PLA2G4F: variants seen among roughly 807,000 people sequenced by gnomAD.
The protein encoded by PLA2G4F is cytosolic phospholipase A2 zeta.
In PLA2G4F, 105 loss-of-function variants were observed where a neutral mutation model predicts 103.1. The ratio of observed to expected loss-of-function variants is 1.02; its 90% CI spans 0.87 to 1.20. The LOEUF (loss-of-function observed/expected upper bound fraction) is 1.20, where lower values mean the gene tolerates loss of function less well. PLA2G4F is among the 50% of genes most tolerant of loss of function. The probability of loss-of-function intolerance (pLI) is 0.00; values close to 1 mark genes in which losing one functional copy is unlikely to be tolerated. For synonymous variants in PLA2G4F, 468 were observed against 441.1 expected, an observed-to-expected ratio of 1.06 and a Z score of -0.76; for missense variants, 1,155 against 1,075.9, an observed-to-expected ratio of 1.07 and a Z score of -1.03.
intron 11 of PLA2G4F, chr15:42,149,360 A>G (rs1321912936): frequency 3.3e-6 from 2 of 597,984 alleles, no homozygotes; most frequent in African/African-American, 2.1e-5. Flanking sequence ...ACATGAGGAC[A>G]TGGCGAGACA....
In PLA2G4F at chr15:42,142,546, G is replaced by A. The variant is rs376529914; in HGVS notation, c.2311C>T (p.Arg771Cys). The A allele has an allele frequency of 4.8e-5, 78 of 1,613,750 alleles. No homozygotes were observed. Among genetic ancestry groups the A allele is most frequent in the Admixed American group, 3.0e-4 (18 of 59,972 alleles). The change falls in exon 19 of 20, where the codon CGC (arginine) becomes TGC (cysteine). Residue 771 changes from arginine to cysteine, a missense_variant. Physicochemically the swap from Arg to Cys is radical, Grantham distance 180 (BLOSUM62 -3). This residue lies in a region of PLA2G4F where 782 missense variants were observed against 692.9 expected (regional missense o/e 1.13). Transcript: ENST00000397272. ...CCCTTACCTGGGGCCAGGTGTGTGCGGAAGGTACGGTTAACCAGGGGGAAG... is the reference window on the plus strand; with the variant it reads ...CCCTTACCTGGGGCCAGGTGTGTGCAGAAGGTACGGTTAACCAGGGGGAAG... Reference protein sequence around the residue: ...LHFPLVNRTFRTHLAPGVERQ... With the variant: ...LHFPLVNRTFCTHLAPGVERQ...
In PLA2G4F at chr15:42,147,361, T is replaced by C. The variant is rs773707571; in HGVS notation, c.1197-15A>G. On this transcript the variant is annotated splice_polypyrimidine_tract_variant and intron_variant, in intron 12 of 19. Transcript: ENST00000397272. ...TGGAGATGCACCTGGGGATTGGAGGTGTGCCTGAGTCAGGGGCAGGAGAGC... is the reference window on the plus strand; with the variant it reads ...TGGAGATGCACCTGGGGATTGGAGGCGTGCCTGAGTCAGGGGCAGGAGAGC... The C allele has an allele frequency of 2.0e-5, 32 of 1,598,590 alleles. No homozygotes were observed. The highest frequency in any genetic ancestry group is 2.6e-5 in the Non-Finnish European group (31 of 1,176,608).
At chr15:42,144,778 C>T in intron 16 of PLA2G4F, 134 bp from the exon 17 acceptor site, 1 of 931,738 alleles carries the variant, frequency 1.1e-6, no homozygotes, top group African/African-American at 1.7e-5. Flanking sequence ...ACCCCACCTC[C>T]CAAGCCTCTG....
In PLA2G4F at chr15:42,148,617, G is replaced by A. The variant is rs187187132; in HGVS notation, c.1060-855C>T. 6.2e-3 allele frequency: 6,088 copies of A among 984,872 alleles called. 28 individuals carry two copies. Among genetic ancestry groups the A allele is most frequent in the South Asian group, 0.027 (572 of 21,252 alleles). The allele number at this position is 984,872 out of a possible 1,614,324, so 61.0% of individuals were successfully genotyped here. On this transcript the variant is annotated intron_variant, in intron 11 of 19. Coordinates refer to ENST00000397272, the MANE Select transcript of PLA2G4F (RefSeq NM_213600.4). ...GTGGGGAGGAACTAAATTGTCCCCC[G>A]TTGAGCACCACCGAGCTAAAGTGAC...
intron 12 of PLA2G4F, 92 bp from the exon 13 acceptor site, chr15:42,147,438 C>A: frequency 7.1e-7 from 1 of 1,407,410 alleles, no homozygotes; most frequent in Non-Finnish European, 9.8e-7. Flanking sequence ...TCCACCCCCA[C>A]CACTTGCACT....
chr15:42,147,734 C>G lies in PLA2G4F; in HGVS notation c.1088G>C (p.Gly363Ala). Residue 363 changes from glycine to alanine, a missense_variant, in exon 12 of 20, where the codon GGG becomes GCG. Gly to Ala is a moderately conservative substitution (Grantham distance 60). This residue lies in a region of PLA2G4F where 782 missense variants were observed against 692.9 expected (regional missense o/e 1.13). Transcript: ENST00000397272. ...QVPVVAVLGS[G>A]GGTRAMSSLY... ...AGAAGACATGGCTCGGGTTCCACCC[C>G]CGGAACCCAACACAGCCACTACAGG... 8 of 1,613,826 alleles carry G rather than the reference C, an allele frequency of 5.0e-6. No homozygotes were observed. The South Asian group carries it at 8.8e-5, about 18-fold the overall frequency.
At chr15:42,147,788 C>G in intron 11 of PLA2G4F, 26 bp from the exon 12 acceptor site, 3 of 1,611,718 alleles carry the variant, frequency 1.9e-6, no homozygotes, top group Non-Finnish European at 2.5e-6. Context: ...ACAAGGATAA[C>G]GACTCCGACT....
At position 42,149,810 on chromosome 15, in the gene PLA2G4F, G is replaced by A. The variant is rs776177133; in HGVS notation, c.962C>T (p.Ser321Phe). Reference sequence around the variant, plus strand: ...GTCCAGAAACTCCTGCTCCCCGTCAGAGAGGTCAAAGCCAAGGCGTAGGTC... The same window carrying A: ...GTCCAGAAACTCCTGCTCCCCGTCAAAGAGGTCAAAGCCAAGGCGTAGGTC... ...DLDLRLGFDL[S>F]DGEQEFLDRR... is the part of the protein sequence containing the mutation. Residue 321 changes from serine (S) to phenylalanine (F), a missense_variant, in exon 11 of 20, where the codon TCT becomes TTT. Transcript: ENST00000397272. 1.9e-6 allele frequency: 3 copies of A among 1,614,208 alleles called. No individual in the cohort carries two copies. Among genetic ancestry groups the A allele is most frequent in the South Asian group, 2.2e-5 (2 of 91,078 alleles).
chr15:42,149,210 T>G, intron 11 of PLA2G4F: 1 of 965,504 alleles, frequency 1.0e-6, no homozygotes, highest in Admixed American at 6.2e-5. Flanking sequence ...TGTGACAGTA[T>G]TTGGAAACAG....
At position 42,146,244 on chromosome 15, in the gene PLA2G4F, G is replaced by GGGCAGGAAAGAAGGGA. The variant is rs776287948; in HGVS notation, c.1420-19_1420-4dup. 1 of 1,613,916 alleles carries GGGCAGGAAAGAAGGGA rather than the reference G, an allele frequency of 6.2e-7. No individual in the cohort carries two copies. Among genetic ancestry groups the GGGCAGGAAAGAAGGGA allele is most frequent in the Non-Finnish European group, 8.5e-7 (1 of 1,179,772 alleles). ...TCAGACAGCTTGGCAGGGTTCTCCT[G>GGGCAGGAAAGAAGGGA]GGCAGGAAAGAAGGGAGGCAGCTTG... On this transcript the variant is annotated splice_region_variant and splice_polypyrimidine_tract_variant and intron_variant, in intron 13 of 19. Coordinates refer to ENST00000397272, the MANE Select transcript of PLA2G4F (RefSeq NM_213600.4).
intron 7 of PLA2G4F, chr15:42,151,063 G>A (rs1437739231): frequency 9.1e-6 from 9 of 985,314 alleles, no homozygotes; most frequent in African/African-American, 1.7e-5. Flanking sequence ...GCCCTGCCCA[G>A]AGCCTGTGGG....
rs148221812 is a variant in PLA2G4F, at chr15:42,147,075, G to A, written c.1419+49C>T. ...GATGAGGCAGAAGCAAGGGGCGGGT[G>A]GAAGGAGTGGAGAGGAGCCTACGTA... On this transcript the variant is annotated intron_variant, in intron 13 of 19. Coordinates refer to ENST00000397272, the MANE Select transcript of PLA2G4F (RefSeq NM_213600.4). 1,272 of 1,529,966 alleles carry A rather than the reference G, an allele frequency of 8.3e-4. 11 individuals carry two copies. In the African/African-American group the frequency reaches 0.015, roughly 18 times the overall value. The allele number at this position is 1,529,966 out of a possible 1,614,324, so 94.8% of individuals were successfully genotyped here. A position where few individuals can be genotyped will look rare whatever the true frequency, so the allele number is the denominator to read the frequency against.
chr15:42,147,659 A>G lies in PLA2G4F; in HGVS notation c.1163T>C (p.Val388Ala). 1.2e-6 allele frequency: 2 copies of G among 1,614,078 alleles called. No homozygotes were observed. Among genetic ancestry groups the G allele is most frequent in the Non-Finnish European group, 1.7e-6 (2 of 1,179,982 alleles). Residue 388 changes from valine (V) to alanine (A), a missense_variant, in exon 12 of 20, where the codon GTG becomes GCG. By Grantham distance (64) the Val-to-Ala change is moderately conservative. Coordinates refer to ENST00000397272, the MANE Select transcript of PLA2G4F (RefSeq NM_213600.4). Reference sequence around the variant, plus strand: ...CCCAGAGACCCCACTCAGGTAGGTCACAGTGTCTAGAAGGCCGAGCTCCTG... The same window carrying G: ...CCCAGAGACCCCACTCAGGTAGGTCGCAGTGTCTAGAAGGCCGAGCTCCTG... ...GLQELGLLDT[V>A]TYLSGVSGST...
At chr15:42,142,298 G>T in intron 19 of PLA2G4F, 94 bp from the exon 20 acceptor site, 1 of 1,301,242 alleles carries the variant, frequency 7.7e-7, no homozygotes, top group Non-Finnish European at 1.1e-6. Context: ...AGGACACCTG[G>T]CTGGCTCCCT....
At chr15:42,147,579 CTT>C in intron 12 of PLA2G4F, 45 bp downstream of exon 12, 1 of 1,594,264 alleles carries the variant, frequency 6.3e-7, no homozygotes, top group Non-Finnish European at 8.6e-7. Flanking sequence ...CAACCCCACA[CTT>C]TGTGGGGTCT....
intron 2 of PLA2G4F, chr15:42,154,670 G>A (rs1207696014): frequency 2.3e-5 from 12 of 511,590 alleles, no homozygotes; most frequent in East Asian, 9.7e-5. Context: ...GAAATCCTGC[G>A]GCAGCCAGTT....
chr15:42,149,088 T>G, intron 11 of PLA2G4F: 1 of 985,394 alleles, frequency 1.0e-6, no homozygotes, highest in Non-Finnish European at 1.2e-6. Flanking sequence ...ACAGGCTGGC[T>G]GTCTCTATAC....
Position 42,141,419 on chromosome 15 carries a change from C to A in PLA2G4F, c.*565G>T. ...GAGGAGGCACGAGGAGACCAGAAGG[C>A]AGAAGGAGGGTTAGGATGATGGAGT... On this transcript the variant is annotated 3_prime_UTR_variant, in exon 20 of 20. Coordinates refer to ENST00000397272, the MANE Select transcript of PLA2G4F (RefSeq NM_213600.4). The A allele has an allele frequency of 2.2e-6, 1 of 453,994 alleles. No homozygotes were observed. 28.1% of individuals were successfully genotyped at this position (453,994 alleles called of 1,614,324 possible).
In PLA2G4F at chr15:42,147,705, A is replaced by G; in HGVS notation, c.1117T>C (p.Tyr373His). Reference protein sequence around the residue: ...GGGTRAMSSLYGSLAGLQELG... With the variant: ...GGGTRAMSSLHGSLAGLQELG... Reference sequence around the variant, plus strand: ...TCCTGCAACCCTGCCAGGCTGCCGTACAGAGAAGACATGGCTCGGGTTCCA... The same window carrying G: ...TCCTGCAACCCTGCCAGGCTGCCGTGCAGAGAAGACATGGCTCGGGTTCCA... Residue 373 changes from tyrosine to histidine, a missense_variant, in exon 12 of 20, where the codon TAC becomes CAC. By Grantham distance (83) the Tyr-to-His change is moderately conservative. Around this residue, in one of 3 missense-constraint regions of PLA2G4F, gnomAD observed 782 missense variants for 692.9 expected, o/e 1.13. Transcript: ENST00000397272. 1 of 1,614,120 alleles carries G rather than the reference A, an allele frequency of 6.2e-7. No individual in the cohort carries two copies. Among genetic ancestry groups the G allele is most frequent in the Non-Finnish European group, 8.5e-7 (1 of 1,179,990 alleles).
Sources: allele counts gnomAD v4.1 joint callset, GRCh38; gene constraint gnomAD v4.1.1; regional missense constraint gnomAD v4.1.1; transcripts MANE v1.5; gene names NCBI Gene and HGNC (gene_info 2026-07-23, HGNC 2026-07-21).